The following SULF1 variants were observed in gnomAD, a reference collection of about 807,000 sequenced individuals.
The protein encoded by SULF1 is sulfatase 1, also known as extracellular sulfatase Sulf-1.
Under a neutral mutation model 110.5 loss-of-function variants are expected in SULF1, and 46 were observed. The ratio of observed to expected loss-of-function variants is 0.42; its 90% CI spans 0.33 to 0.53. SULF1 has a LOEUF of 0.53. Ranked by LOEUF, SULF1 falls within the 20% of genes least tolerant of loss-of-function variation. SULF1 has a pLI of 0.12. For missense variants in SULF1, 941 were observed against 1,094.2 expected, an observed-to-expected ratio of 0.86 and a Z score of 1.98; for synonymous variants, 371 against 387.1, an observed-to-expected ratio of 0.96 and a Z score of 0.49.
intron 3 of SULF1, among the ~76,000 whole-genome samples, chr8:69,553,535 T>C (rs1220095718): frequency 1.3e-5 from 2 of 152,224 alleles, no homozygotes; most frequent in Non-Finnish European, 2.9e-5. Context: ...TATTAATATT[T>C]TGAAATTGAC....
intron 5 of SULF1, among the ~76,000 whole-genome samples, chr8:69,565,994 G>T (rs190351138): frequency 5.5e-4 from 83 of 151,892 alleles, no homozygotes; most frequent in African/African-American, 2.0e-3. Context: ...CATGTCATGC[G>T]CTTGGTGTTC....
intron 3 of SULF1, among the ~76,000 whole-genome samples, chr8:69,555,395 C>T (rs551661439): frequency 2.0e-5 from 3 of 152,332 alleles, no homozygotes; most frequent in South Asian, 4.1e-4. Flanking sequence ...TGGTGGCTCA[C>T]GCCTGTAATC....
intron 3 of SULF1, among the ~76,000 whole-genome samples, chr8:69,545,661 T>TTTTTG (rs1156695624): frequency 3.3e-5 from 5 of 152,080 alleles, no homozygotes; most frequent in East Asian, 1.9e-4. Context: ...TTTTTGGGTT[T>TTTTTG]TTTTGTTTTG....
At chr8:69,614,157 G>A (rs140869380) in intron 13 of SULF1, among the ~76,000 whole-genome samples, 81 of 152,240 alleles carry the variant, frequency 5.3e-4, no homozygotes, top group Non-Finnish European at 8.5e-4. Flanking sequence ...AGTTCTTACC[G>A]TGTGTTATCG....
chr8:69,588,879 A>G, intron 7 of SULF1, 93 bp from the exon 8 acceptor site: 1 of 1,286,302 alleles, frequency 7.8e-7, no homozygotes, highest in Non-Finnish European at 1.1e-6. Flanking sequence ...CACTTCGTGC[A>G]GTGAATTGCT....
intron 7 of SULF1, among the ~76,000 whole-genome samples, chr8:69,588,522 G>A (rs1335840203): frequency 1.3e-5 from 2 of 152,098 alleles, no homozygotes; most frequent in Non-Finnish European, 2.9e-5. Context: ...GTGTATGTAT[G>A]TGTGTGTGTT....
At chr8:69,541,631 T>C (rs985543080) in intron 3 of SULF1, among the ~76,000 whole-genome samples, 2 of 152,196 alleles carry the variant, frequency 1.3e-5, no homozygotes, top group African/African-American at 4.8e-5. Flanking sequence ...AAAGTACAGA[T>C]TTCTTGTTCA....
At position 69,620,614 on chromosome 8, in the gene SULF1, A is replaced by C. The variant is rs542241270; in HGVS notation, c.1378-421A>C. ...CCATTCTTCCCTGGCTCACATTAGA[A>C]ATTCAGGAGCGGAGAACAAAGCAGC... On this transcript the variant is annotated intron_variant, in intron 13 of 22. Transcript: ENST00000402687. Among the ~76,000 whole-genome samples, 10 of 152,326 alleles carry C rather than the reference A, an allele frequency of 6.6e-5. No individual in the cohort carries two copies. The South Asian group carries it at 1.9e-3, about 28-fold the overall frequency.
Position 69,630,865 on chromosome 8 carries a change from C to T in SULF1, c.2284+1186C>T, listed in dbSNP as rs546677746. Among the ~76,000 whole-genome samples the T allele has an allele frequency of 1.2e-4, 18 of 152,244 alleles. No homozygotes were observed. The South Asian group carries it at 1.9e-3, about 16-fold the overall frequency. ...TAAGTTTTAGGGTACATGTGCACAA[C>T]GTGCAGGTTTGTTACGTATGTATAC... On this transcript the variant is annotated intron_variant, in intron 19 of 22. Transcript: ENST00000402687.
At chr8:69,585,666 C>T (rs1029045837) in intron 6 of SULF1, among the ~76,000 whole-genome samples, 1 of 152,142 alleles carries the variant, frequency 6.6e-6, no homozygotes, top group Non-Finnish European at 1.5e-5. Flanking sequence ...TACACTTCTA[C>T]TATACTATAA....
chr8:69,623,790 C>G (rs1221976373), intron 14 of SULF1, 152 bp from the exon 15 acceptor site: 4 of 842,496 alleles, frequency 4.7e-6, no homozygotes, highest in Non-Finnish European at 7.2e-6. Flanking sequence ...ACAACCTCTG[C>G]TACCGTGAAT....
intron 6 of SULF1, among the ~76,000 whole-genome samples, chr8:69,581,742 C>A (rs1285244237): frequency 6.6e-6 from 1 of 152,066 alleles, no homozygotes; most frequent in African/African-American, 2.4e-5. Flanking sequence ...AATTAGAGGG[C>A]CAGATAATCA....
At chr8:69,631,035 G>C (rs1237465189) in intron 19 of SULF1, among the ~76,000 whole-genome samples, 2 of 151,924 alleles carry the variant, frequency 1.3e-5, no homozygotes, top group African/African-American at 2.4e-5. Flanking sequence ...TTTTAAATGG[G>C]ACTCTTTCGG....
chr8:69,609,615 G>A (rs896267013), intron 13 of SULF1, among the ~76,000 whole-genome samples: 1 of 152,198 alleles, frequency 6.6e-6, no homozygotes, highest in Non-Finnish European at 1.5e-5. Context: ...CAAACCCAAA[G>A]CCAAAACCTG....
At chr8:69,639,172 G>T (rs1811276876) in intron 21 of SULF1, among the ~76,000 whole-genome samples, 1 of 152,158 alleles carries the variant, frequency 6.6e-6, no homozygotes. Context: ...GTATTTGTTT[G>T]TTATTGCTGT....
chr8:69,532,649 T>C (rs1244615796), intron 3 of SULF1, among the ~76,000 whole-genome samples: 1 of 152,230 alleles, frequency 6.6e-6, no homozygotes, highest in African/African-American at 2.4e-5. Flanking sequence ...AACTACCTGT[T>C]TGACCTATAC....
chr8:69,481,082 T>C (rs1809501290), intron 1 of SULF1, among the ~76,000 whole-genome samples: 1 of 152,158 alleles, frequency 6.6e-6, no homozygotes, highest in African/African-American at 2.4e-5. Flanking sequence ...TTTTAAGACA[T>C]GTTCTAGATT....
chr8:69,649,236 C>G (rs773775600), intron 22 of SULF1, among the ~76,000 whole-genome samples: 11 of 152,154 alleles, frequency 7.2e-5, no homozygotes, highest in Non-Finnish European at 1.2e-4. Context: ...AACTGTTACC[C>G]CATTTGCTTT....
rs759101681 is a variant in SULF1 at position 69,600,590 on chromosome 8, T to C, written c.735-13T>C. On this transcript the variant is annotated splice_polypyrimidine_tract_variant and intron_variant, in intron 8 of 22. Coordinates refer to ENST00000402687, the MANE Select transcript of SULF1 (RefSeq NM_001128205.2). ...AGAAATATATAGTAAGATTCCTTTC[T>C]GGATATTTTCAGAACTCCTAGTTAT... The C allele has an allele frequency of 2.5e-6, 4 of 1,594,354 alleles. No homozygotes were observed. Among genetic ancestry groups the C allele is most frequent in the East Asian group, 2.2e-5 (1 of 44,700 alleles).
Sources: gnomAD v4.1 joint callset for allele counts (sites outside exome capture counted in the v4.1 genomes callset) on GRCh38, gnomAD v4.1.1 for gene constraint, MANE v1.5 for transcripts, NCBI Gene and HGNC (gene_info 2026-07-23, HGNC 2026-07-21) for gene names.